ITGB6: variants seen among roughly 807,000 people sequenced by gnomAD.
ITGB6 encodes integrin beta-6.
In ITGB6, 80 loss-of-function variants were observed where a neutral mutation model predicts 84.5. The observed-to-expected ratio is 0.95, with a 90% CI of 0.79 to 1.14. ITGB6 has a LOEUF of 1.14. Among genes scored for constraint, ITGB6 ranks in the 50% most tolerant of loss-of-function variants. The pLI is 0.00. For synonymous variants in ITGB6, 383 were observed against 354.9 expected (o/e 1.08, Z -0.89); for missense variants, 1,006 against 968.0 (o/e 1.04, Z -0.52).
rs1416692961 is a variant in ITGB6, at chr2:160,107,709, T to C, written c.2238A>G (p.Glu746=). 1 of 1,614,086 alleles carries C rather than the reference T, an allele frequency of 6.2e-7. No individual in the cohort carries two copies. The highest frequency in any genetic ancestry group is 2.2e-5 in the East Asian group (1 of 44,884). The change falls in exon 14 of 15, where the codon GAA becomes GAG. Residue 746 remains glutamate, a synonymous_variant. Coordinates refer to ENST00000283249, the MANE Select transcript of ITGB6 (RefSeq NM_000888.5). ...GCCACTTGGCTTTTGATCGTTCTGCTTCAAATTTGGCAACTTCTTTACGAT... is the reference window on the plus strand; with the variant it reads ...GCCACTTGGCTTTTGATCGTTCTGCCTCAAATTTGGCAACTTCTTTACGAT... ...FHDRKEVAKF[E]AERSKAKWQT... is the part of the protein sequence containing the mutation.
chr2:160,157,931 T>C (rs945505885), intron 7 of ITGB6, among the ~76,000 whole-genome samples: 1 of 152,130 alleles, frequency 6.6e-6, no homozygotes, highest in African/African-American at 2.4e-5. Context: ...CCGTGAGGTC[T>C]TTCATTCTTG....
In ITGB6 at chr2:160,124,445, G is replaced by C. The variant is rs971726548; in HGVS notation, c.1884-557C>G. On this transcript the variant is annotated intron_variant, in intron 11 of 14. Coordinates refer to ENST00000283249, the MANE Select transcript of ITGB6 (RefSeq NM_000888.5). ...CCTGGATCTCAAAAGCTGTGGATTA[G>C]AGCATGGATCCTCATTAATACAGGC... 2.6e-5 allele frequency among the ~76,000 whole-genome samples: 4 copies of C among 152,184 alleles called. No homozygotes were observed. The East Asian group carries it at 5.8e-4, about 22-fold the overall frequency.
At chr2:160,179,771 A>C (rs187504927) in intron 4 of ITGB6, among the ~76,000 whole-genome samples, 127 of 152,042 alleles carry the variant, frequency 8.4e-4, no homozygotes, top group African/African-American at 2.6e-3. Context: ...AAAACAAAAC[A>C]AAAAACACCA....
intron 7 of ITGB6, among the ~76,000 whole-genome samples, chr2:160,162,974 A>C (rs1684875019): frequency 6.6e-6 from 1 of 152,176 alleles, no homozygotes; most frequent in Non-Finnish European, 1.5e-5. Context: ...TGCTCATCAT[A>C]AACCTATAGT....
intron 7 of ITGB6, among the ~76,000 whole-genome samples, chr2:160,161,251 T>C (rs767984369): frequency 4.3e-4 from 66 of 152,188 alleles, no homozygotes; most frequent in Non-Finnish European, 7.6e-4. Context: ...AATAAAAATT[T>C]TGATGTATAA....
chr2:160,193,365 G>A (rs994688053), intron 4 of ITGB6, among the ~76,000 whole-genome samples: 1 of 152,140 alleles, frequency 6.6e-6, no homozygotes, highest in East Asian at 1.9e-4. Context: ...TTGAACCAAA[G>A]AAGCCAAACA....
intron 4 of ITGB6, among the ~76,000 whole-genome samples, chr2:160,176,992 T>C (rs2105874275): frequency 6.6e-6 from 1 of 152,324 alleles, no homozygotes; most frequent in South Asian, 2.1e-4. Context: ...ATTTTTTGAT[T>C]GTGAATTGCT....
chr2:160,198,149 A>AT (rs140413385), intron 2 of ITGB6, among the ~76,000 whole-genome samples: 4,181 of 152,212 alleles, frequency 0.027, 80 homozygotes, highest in South Asian at 0.077. Flanking sequence ...AAAACATGTG[A>AT]TTTTTTCCCT....
chr2:160,115,941 G>T (rs13028929), intron 12 of ITGB6, among the ~76,000 whole-genome samples: 95,279 of 144,662 alleles, frequency 0.66, 31,755 homozygotes, highest in Admixed American at 0.73. Flanking sequence ...ATGAAATGAA[G>T]TGAGAAGGGA....
At chr2:160,176,328 A>G (rs1024388757) in intron 4 of ITGB6, among the ~76,000 whole-genome samples, 1 of 152,158 alleles carries the variant, frequency 6.6e-6, no homozygotes, top group African/African-American at 2.4e-5. Flanking sequence ...GGCCTCTGTG[A>G]CATCCCCTTC....
intron 10 of ITGB6, among the ~76,000 whole-genome samples, chr2:160,133,804 T>C (rs1004332793): frequency 1.3e-5 from 2 of 152,208 alleles, no homozygotes; most frequent in Non-Finnish European, 2.9e-5. Context: ...ACTGAATGAC[T>C]ACTGCGTACA....
intron 10 of ITGB6, among the ~76,000 whole-genome samples, chr2:160,135,644 C>G (rs56181390): frequency 0.15 from 22,415 of 150,604 alleles, 1,996 homozygotes; most frequent in Non-Finnish European, 0.23. Context: ...TGCTACCTGA[C>G]TTCAAACTAT....
intron 2 of ITGB6, among the ~76,000 whole-genome samples, chr2:160,197,274 C>T (rs1294435231): frequency 4.6e-5 from 7 of 151,670 alleles, no homozygotes; most frequent in African/African-American, 4.8e-5. Flanking sequence ...CTAGCCTGGG[C>T]GACAGAGCAA....
In ITGB6 at chr2:160,196,278, TG is replaced by T; in HGVS notation, c.283del (p.Gln95ArgfsTer15). On this transcript the variant is annotated frameshift_variant, in exon 3 of 15. Transcript: ENST00000283249. LOFTEE classifies it high-confidence loss of function. ...CTGAACAATGTCAGAACTATTTTTC[TG>T]TCTGCCTACACTGAGAGGCTTATTT... ...LKNKPLSVGR[Q>X]KNSSDIVQIA... is the part of the protein sequence containing the mutation. 6.2e-7 allele frequency: 1 copy of T among 1,614,122 alleles called. No homozygotes were observed. Among genetic ancestry groups the T allele is most frequent in the Non-Finnish European group, 8.5e-7 (1 of 1,179,984 alleles).
In ITGB6 at chr2:160,145,463, A is replaced by G. The variant is rs552082352; in HGVS notation, c.1018-3392T>C. On this transcript the variant is annotated intron_variant, in intron 7 of 14. Coordinates refer to ENST00000283249, the MANE Select transcript of ITGB6 (RefSeq NM_000888.5). ...ATCTCTTCACTCGGCCCCATCTCCA[A>G]AAAGATTATGTATATATCCAACAGT... Among the ~76,000 whole-genome samples the G allele has an allele frequency of 4.6e-5, 7 of 152,300 alleles. No individual in the cohort carries two copies. The South Asian group carries it at 1.2e-3, about 27-fold the overall frequency.
intron 10 of ITGB6, among the ~76,000 whole-genome samples, chr2:160,130,890 C>T (rs1318600837): frequency 1.3e-5 from 2 of 152,078 alleles, no homozygotes; most frequent in Admixed American, 6.6e-5. Context: ...AAGTACTTGG[C>T]AGAAATTTAG....
At chr2:160,194,443 T>A (rs557079754) in intron 4 of ITGB6, among the ~76,000 whole-genome samples, 1 of 152,212 alleles carries the variant, frequency 6.6e-6, no homozygotes, top group African/African-American at 2.4e-5. Flanking sequence ...ATACTAGATA[T>A]ATAGCAGTAA....
At chr2:160,137,873 A>G in intron 9 of ITGB6, 22 bp from the exon 10 acceptor site, 1 of 1,604,746 alleles carries the variant, frequency 6.2e-7, no homozygotes, top group Non-Finnish European at 8.5e-7. Flanking sequence ...AATACTAATT[A>G]TCTCCCTCCA....
At chr2:160,148,407 C>T (rs1033070596) in intron 7 of ITGB6, among the ~76,000 whole-genome samples, 1 of 152,106 alleles carries the variant, frequency 6.6e-6, no homozygotes, top group African/African-American at 2.4e-5. Context: ...TAGTTTCTTG[C>T]AAAACAAAAC....
Sources: gnomAD v4.1 joint callset for allele counts (sites outside exome capture counted in the v4.1 genomes callset) on GRCh38, gnomAD v4.1.1 for gene constraint, MANE v1.5 for transcripts, NCBI Gene and HGNC (gene_info 2026-07-23, HGNC 2026-07-21) for gene names.